SHCBP1: variants seen among roughly 807,000 people sequenced by gnomAD.
SHCBP1 encodes SHC SH2 domain-binding protein 1.
A neutral mutation model predicts 75.1 loss-of-function variants in SHCBP1; 60 were observed. The ratio of observed to expected loss-of-function variants is 0.80; its 90% CI spans 0.65 to 0.99. SHCBP1 has a LOEUF of 0.99. Ranked by LOEUF, SHCBP1 falls within the 50% of genes least tolerant of loss-of-function variation. The pLI, the probability that SHCBP1 is intolerant of heterozygous loss-of-function variation, is 0.00. For missense variants in SHCBP1, 709 were observed against 809.4 expected, an observed-to-expected ratio of 0.88 and a Z score of 1.50; for synonymous variants, 290 against 293.2, an observed-to-expected ratio of 0.99 and a Z score of 0.11.
intron 4 of SHCBP1, among the ~76,000 whole-genome samples, chr16:46,611,182 T>C (rs1965410505): frequency 6.6e-6 from 1 of 152,210 alleles, no homozygotes; most frequent in African/African-American, 2.4e-5. Context: ...TGAAATGGGC[T>C]CCTGTCCACA....
rs1278613445 is a variant in SHCBP1, at chr16:46,616,592, G to A, written c.388-438C>T. Among the ~76,000 whole-genome samples the A allele has an allele frequency of 1.3e-5, 2 of 152,282 alleles. No homozygotes were observed. The highest frequency in any genetic ancestry group is 2.4e-5 in the African/African-American group (1 of 41,552). ...AAATGGAGGAGGGGGGCGGTGTGCA[G>A]TGGAGCAGCAAGATATGAGGTGAGA... On this transcript the variant is annotated intron_variant, in intron 3 of 12. Transcript: ENST00000303383. This position sits in a 1 kb window ranked among gnomAD's most constrained non-coding sequence, Gnocchi z 4.4.
rs1365145686 is a variant in SHCBP1 at position 46,618,473 on chromosome 16, A to T, written c.104-101T>A. 3.9e-6 allele frequency: 5 copies of T among 1,277,664 alleles called. No individual in the cohort carries two copies. The African/African-American group carries it at 7.6e-5, about 19-fold the overall frequency. 79.1% of individuals were successfully genotyped at this position (1,277,664 alleles called of 1,614,324 possible). On this transcript the variant is annotated intron_variant, in intron 1 of 12. Coordinates refer to ENST00000303383, the MANE Select transcript of SHCBP1 (RefSeq NM_024745.5). ...AATCCCAAACAAAATACAAACAAGA[A>T]TTTGAATATGAATAGTCTACTTACC...
rs568004568 is a variant in SHCBP1 at position 46,579,801 on chromosome 16, G to A, written c.*1928C>T. On this transcript the variant is annotated 3_prime_UTR_variant, in exon 13 of 13. Coordinates refer to ENST00000303383, the MANE Select transcript of SHCBP1 (RefSeq NM_024745.5). ...AATACAAAAATTAGCCAGGCATGGT[G>A]GCTGTCATACCAGCTACTTGGGAGG... Among the ~76,000 whole-genome samples the A allele has an allele frequency of 6.4e-4, 97 of 152,180 alleles. 1 individual carries two copies. The highest frequency in any genetic ancestry group is 2.2e-3 in the African/African-American group (91 of 41,524).
rs1192798229 is a variant in SHCBP1 at position 46,578,761 on chromosome 16, A to C, written c.*2968T>G. ...TGCATAAATTTTGCATCAAAGGCCA[A>C]TTATCAAAATTTATTTCAACTTAAT... On this transcript the variant is annotated 3_prime_UTR_variant, in exon 13 of 13. Transcript: ENST00000303383. Among the ~76,000 whole-genome samples the C allele has an allele frequency of 6.6e-6, 1 of 152,212 alleles. No homozygotes were observed. The highest frequency in any genetic ancestry group is 1.9e-4 in the East Asian group (1 of 5,200).
chr16:46,595,313 T>A (rs1965118097), intron 10 of SHCBP1, among the ~76,000 whole-genome samples: 1 of 152,224 alleles, frequency 6.6e-6, no homozygotes, highest in Non-Finnish European at 1.5e-5. Flanking sequence ...AAAGTTATAA[T>A]TTTAAGGGTC....
At chr16:46,612,004 T>C (rs1965423362) in intron 4 of SHCBP1, among the ~76,000 whole-genome samples, 2 of 152,156 alleles carry the variant, frequency 1.3e-5, no homozygotes, top group Non-Finnish European at 2.9e-5. Flanking sequence ...GTTCCAAGGT[T>C]GATTAGGGAA....
chr16:46,602,181 T>A, intron 8 of SHCBP1, among the ~76,000 whole-genome samples: 1 of 152,248 alleles, frequency 6.6e-6, no homozygotes, highest in South Asian at 2.1e-4. Context: ...CAAACTATAA[T>A]ATCAGTGTTA....
Position 46,595,582 on chromosome 16 carries a change from T to C in SHCBP1, c.1434A>G (p.Leu478=). The change falls in exon 10 of 13, where the codon CTA becomes CTG. Residue 478 remains leucine (L), a synonymous_variant. Transcript: ENST00000303383. ...GVTVRTSAEF[L]MKNSDLYGAK... ...CGCCATATAAATCCGAGTTCTTCAT[T>C]AGAAACTCTGCTGATGTCCGCACTG... The C allele has an allele frequency of 6.2e-7, 1 of 1,614,118 alleles. No individual in the cohort carries two copies. Among genetic ancestry groups the C allele is most frequent in the Non-Finnish European group, 8.5e-7 (1 of 1,179,998 alleles).
At chr16:46,615,773 T>G (rs1053580295) in intron 4 of SHCBP1, among the ~76,000 whole-genome samples, 173 bp downstream of exon 4, 1 of 152,114 alleles carries the variant, frequency 6.6e-6, no homozygotes, top group Non-Finnish European at 1.5e-5. Flanking sequence ...ATTTAAAACA[T>G]TTTTAATTTT....
rs781218212 is a variant in SHCBP1, at chr16:46,621,240, C to G, written c.103+17G>C. 5 of 1,595,054 alleles carry G rather than the reference C, an allele frequency of 3.1e-6. No homozygotes were observed. Among genetic ancestry groups the G allele is most frequent in the African/African-American group, 2.7e-5 (2 of 74,304 alleles). ...CCGCTCAGAGGCGGCTCCTCGGCCC[C>G]GGCATGGAGAGCTCACCTTTCTCCA... On this transcript the variant is annotated intron_variant, in intron 1 of 12. Transcript: ENST00000303383.
chr16:46,603,866 C>A, intron 7 of SHCBP1, 109 bp downstream of exon 7: 1 of 1,429,208 alleles, frequency 7.0e-7, no homozygotes, highest in South Asian at 1.4e-5. Flanking sequence ...TTCCCATGCA[C>A]AGAAAACCGT....
At position 46,583,625 on chromosome 16, in the gene SHCBP1, C is replaced by A. The variant is rs1050309727; in HGVS notation, c.1584G>T (p.Lys528Asn). 1 of 1,606,916 alleles carries A rather than the reference C, an allele frequency of 6.2e-7. No individual in the cohort carries two copies. The highest frequency in any genetic ancestry group is 8.5e-7 in the Non-Finnish European group (1 of 1,178,508). The part of the protein sequence containing the change: ...DFLDEHYDIP[K>N]ISMVNNIIHN... ...GTATTATATTATTCACCATGGATAT[C>A]TTGGGAATGTCATAATGTTCATCTA... The change falls in exon 12 of 13, where the codon AAG becomes AAT. Residue 528 changes from lysine to asparagine, a missense_variant. Transcript: ENST00000303383.
intron 9 of SHCBP1, among the ~76,000 whole-genome samples, chr16:46,598,884 A>C (rs925418147): frequency 6.6e-6 from 1 of 152,208 alleles, no homozygotes; most frequent in African/African-American, 2.4e-5. Flanking sequence ...TTGCTGCTTC[A>C]CCTTGCACTT....
intron 5 of SHCBP1, among the ~76,000 whole-genome samples, chr16:46,606,570 T>A (rs906537436): frequency 2.0e-5 from 3 of 152,236 alleles, no homozygotes; most frequent in Non-Finnish European, 4.4e-5. Flanking sequence ...TTGTCCGATA[T>A]ACGTTATGTT....
At chr16:46,608,162 G>A (rs1314089500) in intron 5 of SHCBP1, 135 bp downstream of exon 5, 1 of 609,756 alleles carries the variant, frequency 1.6e-6, no homozygotes, top group Admixed American at 3.0e-5. Context: ...ATGAGATCCT[G>A]GAAAGAAAAT....
rs17856884 is a variant in SHCBP1, at chr16:46,583,536, T to C, written c.1673A>G (p.Asn558Ser). The change falls in exon 12 of 13, where the codon AAT (asparagine) becomes AGT (serine). Residue 558 changes from asparagine (N) to serine (S), a missense_variant. Asn to Ser is a conservative substitution (Grantham distance 46). Transcript: ENST00000303383. Reference sequence around the variant, plus strand: ...TATACCTTCAGTTCCATCTTCAGCATTTTCTTGCAGGTCAGAGAAGATTGT... The same window carrying C: ...TATACCTTCAGTTCCATCTTCAGCACTTTCTTGCAGGTCAGAGAAGATTGT... ...KPTIFSDLQE[N>S]AEDGTEENKA... 1 of 1,599,394 alleles carries C rather than the reference T, an allele frequency of 6.3e-7. No homozygotes were observed. Among genetic ancestry groups the C allele is most frequent in the Non-Finnish European group, 8.5e-7 (1 of 1,176,828 alleles).
chr16:46,587,401 C>T (rs919537784), intron 10 of SHCBP1, among the ~76,000 whole-genome samples: 5 of 151,900 alleles, frequency 3.3e-5, no homozygotes, highest in Non-Finnish European at 7.4e-5. Context: ...ACAGAAAACA[C>T]GAAATAAACT....
At chr16:46,590,081 A>G (rs1287360726) in intron 10 of SHCBP1, among the ~76,000 whole-genome samples, 2 of 151,982 alleles carry the variant, frequency 1.3e-5, no homozygotes, top group Non-Finnish European at 2.9e-5. Context: ...AGGATTCCCT[A>G]TTTAATAAAT....
intron 1 of SHCBP1, among the ~76,000 whole-genome samples, chr16:46,619,786 G>C (rs1232337451): frequency 6.6e-6 from 1 of 152,112 alleles, no homozygotes; most frequent in Non-Finnish European, 1.5e-5. Flanking sequence ...TGTAATCTCA[G>C]CACTTTGGGA....
Sources: gnomAD v4.1 joint callset for allele counts (sites outside exome capture counted in the v4.1 genomes callset) on GRCh38, gnomAD v4.1.1 for gene constraint, Gnocchi (gnomAD v3.1) non-coding constraint, MANE v1.5 for transcripts, NCBI Gene and HGNC (gene_info 2026-07-23, HGNC 2026-07-21) for gene names.